The following BTBD19 variants were observed in gnomAD, a reference collection of about 807,000 sequenced individuals.
The protein encoded by BTBD19 is BTB domain containing 19.
A neutral mutation model predicts 36.1 loss-of-function variants in BTBD19; 20 were observed. That is an observed-to-expected ratio of 0.55 (90% CI 0.39 to 0.80). BTBD19 has a LOEUF of 0.80. Ranked by LOEUF, BTBD19 falls within the 30% of genes least tolerant of loss-of-function variation. BTBD19 has a pLI of 0.00. For synonymous variants in BTBD19, 157 were observed against 174.3 expected, an observed-to-expected ratio of 0.90 and a Z score of 0.78; for missense variants, 325 against 389.8, an observed-to-expected ratio of 0.83 and a Z score of 1.40.
At position 44,813,946 on chromosome 1, in the gene BTBD19, C is replaced by G; in HGVS notation, c.*174C>G. 1 of 1,115,056 alleles carries G rather than the reference C, an allele frequency of 9.0e-7. No individual in the cohort carries two copies. The highest frequency in any genetic ancestry group is 1.3e-6 in the Non-Finnish European group (1 of 789,994). The allele number at this position is 1,115,056 out of a possible 1,614,324, so 69.1% of individuals were successfully genotyped here. A position where few individuals can be genotyped will look rare whatever the true frequency, so the allele number is the denominator to read the frequency against. On this transcript the variant is annotated 3_prime_UTR_variant, in exon 8 of 8. Coordinates refer to ENST00000450269, the Ensembl canonical transcript of BTBD19. This position sits in a 1 kb window ranked among gnomAD's most constrained non-coding sequence, Gnocchi z 7.8. ...CGCAGCCCCTTGTGCGGGATCAAGC[C>G]CGTGTGGGCGAGGTGGGGTCGGGCC...
At chr1:44,808,818 C>T (rs1652256689) in exon 1 of BTBD19, 1 of 1,543,564 alleles carries the variant, frequency 6.5e-7, no homozygotes, top group Non-Finnish European at 8.8e-7. Context: ...CCCCTTCTCA[C>T]TCATGGAGCC....
At position 44,813,325 on chromosome 1, in the gene BTBD19, G is replaced by A. The variant is rs1389641477; in HGVS notation, c.616-49G>A. 1 of 1,539,946 alleles carries A rather than the reference G, an allele frequency of 6.5e-7. No homozygotes were observed. The highest frequency in any genetic ancestry group is 8.7e-7 in the Non-Finnish European group (1 of 1,145,852). On this transcript the variant is annotated intron_variant, in intron 6 of 7. Transcript: ENST00000450269. The surrounding 1 kb of genome is among the most constrained non-coding windows in gnomAD (Gnocchi z 7.8). ...GGAAGGAGGTGCTGGCCACGAGACT[G>A]GTGAGCGGGCGGCAGGACAGGTGCC...
At chr1:44,812,857 C>G (rs1652488396) in intron 4 of BTBD19, 139 bp from the exon 5 acceptor site, 1 of 633,898 alleles carries the variant, frequency 1.6e-6, no homozygotes, top group African/African-American at 1.9e-5. Context: ...TTCATTGGGT[C>G]TAGTTTCCTG....
exon 1 of BTBD19, chr1:44,808,829 C>T: frequency 1.3e-6 from 2 of 1,548,650 alleles, no homozygotes; most frequent in Non-Finnish European, 1.7e-6. Context: ...TCATGGAGCC[C>T]TTGGGACTGG....
rs770732551 is a variant in BTBD19, at chr1:44,810,216, T to C, written c.90T>C (p.Asp30=). The C allele has an allele frequency of 6.4e-7, 1 of 1,550,978 alleles. No homozygotes were observed. The highest frequency in any genetic ancestry group is 8.7e-7 in the Non-Finnish European group (1 of 1,146,162). Residue 30 remains aspartate, a synonymous_variant, in exon 2 of 8, where the codon GAT becomes GAC. Transcript: ENST00000450269. This position sits in a 1 kb window ranked among gnomAD's most constrained non-coding sequence, Gnocchi z 4.2. ...CCTCTCTGCCTGTCTCCCACAGTGA[T>C]GTTTGCTTCGTGGTTGGTCAAGAAC...
chr1:44,813,354 C>T lies in BTBD19; in HGVS notation c.616-20C>T. ...AGCGGGCGGCAGGACAGGTGCCCGACTCAGGGCTGGCGTTTGCAGGCGGTG... is the reference window on the plus strand; with the variant it reads ...AGCGGGCGGCAGGACAGGTGCCCGATTCAGGGCTGGCGTTTGCAGGCGGTG... On this transcript the variant is annotated intron_variant, in intron 6 of 7. Coordinates refer to ENST00000450269, the Ensembl canonical transcript of BTBD19. This position sits in a 1 kb window ranked among gnomAD's most constrained non-coding sequence, Gnocchi z 7.8. 2 of 1,544,188 alleles carry T rather than the reference C, an allele frequency of 1.3e-6. No homozygotes were observed. The highest frequency in any genetic ancestry group is 1.2e-5 in the South Asian group (1 of 84,000).
In BTBD19 at chr1:44,813,849, G is replaced by C; in HGVS notation, c.*77G>C. Reference sequence around the variant, plus strand: ...CCAAACTACAGCTCCCGAAGTGCTCGGCGTTCGGAGCGGGCTTCCGTTCCC... The same window carrying C: ...CCAAACTACAGCTCCCGAAGTGCTCCGCGTTCGGAGCGGGCTTCCGTTCCC... On this transcript the variant is annotated 3_prime_UTR_variant, in exon 8 of 8. Coordinates refer to ENST00000450269, the Ensembl canonical transcript of BTBD19. The surrounding 1 kb of genome is among the most constrained non-coding windows in gnomAD (Gnocchi z 7.8). 1 of 1,532,608 alleles carries C rather than the reference G, an allele frequency of 6.5e-7. No individual in the cohort carries two copies. The highest frequency in any genetic ancestry group is 1.2e-5 in the South Asian group (1 of 83,506). 94.9% of individuals were successfully genotyped at this position (1,532,608 alleles called of 1,614,324 possible).
At chr1:44,808,804 C>T (rs993130168) in exon 1 of BTBD19, 3 of 1,533,100 alleles carry the variant, frequency 2.0e-6, no homozygotes, top group Non-Finnish European at 2.6e-6. Context: ...CTCCTCCACC[C>T]CAACCCCTTC....
Position 44,813,573 on chromosome 1 carries a change from C to T in BTBD19, c.742-65C>T, listed in dbSNP as rs1652540351. 3 of 1,534,358 alleles carry T rather than the reference C, an allele frequency of 2.0e-6. No individual in the cohort carries two copies. The highest frequency in any genetic ancestry group is 2.0e-5 in the Admixed American group (1 of 50,170). The stretch of plus-strand genomic sequence containing the variant: ...GCGCTGGGAGGGGGCAGGAGCAGCC[C>T]GGCCCACGGTCCTCGGGGCGAGGGG... On this transcript the variant is annotated intron_variant, in intron 7 of 7. Coordinates refer to ENST00000450269, the Ensembl canonical transcript of BTBD19. This position sits in a 1 kb window ranked among gnomAD's most constrained non-coding sequence, Gnocchi z 7.8.
At chr1:44,815,150 G>A (rs1377181055), downstream of BTBD19, 3 of 152,244 alleles carry the variant, frequency 2.0e-5, no homozygotes, top group Non-Finnish European at 4.4e-5. Context: ...ACGTCTCACA[G>A]CCTTCCTGCC....
At position 44,813,686 on chromosome 1, in the gene BTBD19, G is replaced by C. The variant is rs988671639; in HGVS notation, c.790G>C (p.Asp264His). The change falls in exon 8 of 8, where the codon GAT becomes CAT. Residue 264 changes from aspartate to histidine, a missense_variant. Transcript: ENST00000450269. This position sits in a 1 kb window ranked among gnomAD's most constrained non-coding sequence, Gnocchi z 7.8. The stretch of plus-strand genomic sequence containing the variant: ...GAAATGCCATGCCCTGCGGAGAGGG[G>C]ATGAGGCCCGGGGCGCCCCGTGTCG... 3.5e-5 allele frequency: 55 copies of C among 1,551,424 alleles called. No homozygotes were observed. Among genetic ancestry groups the C allele is most frequent in the Non-Finnish European group, 4.8e-5 (55 of 1,146,828 alleles).
At position 44,810,520 on chromosome 1, in the gene BTBD19, C is replaced by T; in HGVS notation, c.301-34C>T. On this transcript the variant is annotated intron_variant, in intron 2 of 7. Transcript: ENST00000450269. The surrounding 1 kb of genome is among the most constrained non-coding windows in gnomAD (Gnocchi z 4.2). ...CACTGTGGGCACAGGGCAGGGGAAA[C>T]TCCCTTCCACTCCCCCAACCACCCA... The T allele has an allele frequency of 6.4e-7, 1 of 1,550,608 alleles. No individual in the cohort carries two copies. Among genetic ancestry groups the T allele is most frequent in the South Asian group, 1.2e-5 (1 of 83,308 alleles).
chr1:44,814,239 C>CT (rs1652620138), downstream of BTBD19: 1 of 93,802 alleles, frequency 1.1e-5, no homozygotes, highest in African/African-American at 5.1e-5. Flanking sequence ...TCCTTCCTTC[C>CT]TTCCTTCCTT....
downstream of BTBD19, chr1:44,814,211 T>TTTC (rs1491177647): frequency 9.2e-5 from 11 of 119,816 alleles, no homozygotes; most frequent in African/African-American, 2.3e-4. Context: ...TCTTTCTTTC[T>TTTC]TTTTCTTTCT....
At chr1:44,808,975 C>G in intron 1 of BTBD19, 69 bp downstream of exon 1, 2 of 1,307,746 alleles carry the variant, frequency 1.5e-6, no homozygotes, top group Non-Finnish European at 2.1e-6. Context: ...CTAAGGAGGC[C>G]CTGGTGAGAA....
intron 4 of BTBD19, among the ~76,000 whole-genome samples, 165 bp from the exon 5 acceptor site, chr1:44,812,831 G>GTA (rs1368071769): frequency 7.3e-6 from 1 of 136,274 alleles, no homozygotes; most frequent in Non-Finnish European, 1.6e-5. Context: ...GTGTGTGTGT[G>GTA]TGTGTGTAGC....
At position 44,813,927 on chromosome 1, in the gene BTBD19, C is replaced by T. The variant is rs1652563461; in HGVS notation, c.*155C>T. On this transcript the variant is annotated 3_prime_UTR_variant, in exon 8 of 8. Transcript: ENST00000450269. This position sits in a 1 kb window ranked among gnomAD's most constrained non-coding sequence, Gnocchi z 7.8. ...AGAACCGTTGTCTGCCACGCGCAGC[C>T]CCTTGTGCGGGATCAAGCCCGTGTG... The T allele has an allele frequency of 3.2e-6, 4 of 1,256,448 alleles. No individual in the cohort carries two copies. The highest frequency in any genetic ancestry group is 1.4e-5 in the South Asian group (1 of 69,318). 77.8% of individuals were successfully genotyped at this position (1,256,448 alleles called of 1,614,324 possible).
intron 1 of BTBD19, among the ~76,000 whole-genome samples, chr1:44,809,965 T>G (rs987423596): frequency 6.6e-6 from 1 of 152,184 alleles, no homozygotes; most frequent in African/African-American, 2.4e-5. Flanking sequence ...GGTTTAGGAT[T>G]ATTGTCCCAT....
Position 44,813,164 on chromosome 1 carries a change from G to A in BTBD19, c.510G>A (p.Leu170=). 1 of 1,548,264 alleles carries A rather than the reference G, an allele frequency of 6.5e-7. No homozygotes were observed. Among genetic ancestry groups the A allele is most frequent in the Non-Finnish European group, 8.7e-7 (1 of 1,144,958 alleles). ...AGGCCCTCCGGACCCGAGGCTTCCT[G>A]GAGCTGTCGGCGGCCGCGCTGCTGC... Residue 170 remains leucine, a synonymous_variant, in exon 6 of 8, where the codon CTG becomes CTA. Transcript: ENST00000450269. This position sits in a 1 kb window ranked among gnomAD's most constrained non-coding sequence, Gnocchi z 7.8.
Sources: gnomAD v4.1 joint callset for allele counts (sites outside exome capture counted in the v4.1 genomes callset) on GRCh38, gnomAD v4.1.1 for gene constraint, Gnocchi (gnomAD v3.1) non-coding constraint, MANE v1.5 for transcripts, NCBI Gene and HGNC (gene_info 2026-07-23, HGNC 2026-07-21) for gene names.